RYR2: variants seen among roughly 807,000 people sequenced by gnomAD.
The protein encoded by RYR2 is ryanodine receptor 2.
In RYR2, 227 loss-of-function variants were observed where a neutral mutation model predicts 601.1. That is an observed-to-expected ratio of 0.38 (90% CI 0.34 to 0.42). The LOEUF (loss-of-function observed/expected upper bound fraction) is 0.42, where lower values mean the gene tolerates loss of function less well. RYR2 is among the 10% of genes least tolerant of loss of function. The probability of loss-of-function intolerance (pLI) is 1.00; values close to 1 mark genes in which losing one functional copy is unlikely to be tolerated. For synonymous variants in RYR2, 2,223 were observed against 2,175.1 expected (o/e 1.02, Z -0.61); for missense variants, 4,646 against 6,156.5 (o/e 0.75, Z 8.21).
At chr1:237,648,709 A>G in intron 49 of RYR2, 96 bp downstream of exon 49, 1 of 1,325,960 alleles carries the variant, frequency 7.5e-7, no homozygotes, top group Non-Finnish European at 1.0e-6. Flanking sequence ...TTTATTGACA[A>G]TGAATGTTTA....
intron 87 of RYR2, among the ~76,000 whole-genome samples, chr1:237,777,648 A>C (rs1694772694): frequency 6.6e-6 from 1 of 152,218 alleles, no homozygotes; most frequent in South Asian, 2.1e-4. Context: ...AATTGGCTCC[A>C]TGAAAACAGT....
chr1:237,668,597 CCT>C (rs1295133682), intron 58 of RYR2, among the ~76,000 whole-genome samples: 1 of 152,176 alleles, frequency 6.6e-6, no homozygotes. Flanking sequence ...TTTTCTTTCC[CCT>C]GATAGGAATA....
chr1:237,456,122 A>C (rs1045136380), intron 15 of RYR2, among the ~76,000 whole-genome samples: 1 of 152,174 alleles, frequency 6.6e-6, no homozygotes. Context: ...TCTACCAATA[A>C]TAATAAAAAT....
chr1:237,364,480 G>T, intron 5 of RYR2, 108 bp downstream of exon 5: 1 of 488,884 alleles, frequency 2.0e-6, no homozygotes, highest in South Asian at 4.7e-5. Context: ...TTATATATAT[G>T]ACAGATATAT....
At chr1:237,186,567 A>G (rs1679360317) in intron 1 of RYR2, among the ~76,000 whole-genome samples, 3 of 152,150 alleles carry the variant, frequency 2.0e-5, no homozygotes, top group Admixed American at 1.3e-4. Context: ...TGTTTTTTCA[A>G]CTTTGATTCC....
chr1:237,728,425 A>G lies in RYR2; in HGVS notation c.10838+1226A>G, dbSNP rs142519791. ...AAATACCATTTAACCCAGCAATCCC[A>G]TGACTGGGTATATACCCAAAGGATT... On this transcript the variant is annotated intron_variant, in intron 76 of 104. Transcript: ENST00000366574. 6.4e-3 allele frequency among the ~76,000 whole-genome samples: 979 copies of G among 152,200 alleles called. 14 individuals carry two copies. Among genetic ancestry groups the G allele is most frequent in the African/African-American group, 0.022 (931 of 41,534 alleles).
At chr1:237,337,817 A>ATG (rs1430711608) in intron 3 of RYR2, among the ~76,000 whole-genome samples, 4 of 152,200 alleles carry the variant, frequency 2.6e-5, no homozygotes, top group African/African-American at 7.2e-5. Context: ...AATTACCTGA[A>ATG]GCCCCTAGCT....
intron 16 of RYR2, among the ~76,000 whole-genome samples, chr1:237,459,342 T>C (rs1659205829): frequency 6.6e-6 from 1 of 152,064 alleles, no homozygotes; most frequent in Non-Finnish European, 1.5e-5. Flanking sequence ...CCCAGCTGCG[T>C]GGGGGGCTGA....
At chr1:237,584,890 G>A (rs1214113906) in intron 29 of RYR2, among the ~76,000 whole-genome samples, 2 of 139,952 alleles carry the variant, frequency 1.4e-5, no homozygotes, top group African/African-American at 5.1e-5. Context: ...TGTGCCCAGA[G>A]TCAACCTAAT....
chr1:237,213,548 GT>G (rs1425307555), intron 1 of RYR2, among the ~76,000 whole-genome samples: 1 of 152,062 alleles, frequency 6.6e-6, no homozygotes, highest in Non-Finnish European at 1.5e-5. Context: ...TCTTTTGTGA[GT>G]TTCCTACTTA....
chr1:237,155,596 A>T (rs927730466), intron 1 of RYR2, among the ~76,000 whole-genome samples: 1 of 152,232 alleles, frequency 6.6e-6, no homozygotes, highest in African/African-American at 2.4e-5. Flanking sequence ...ACAAGTTATT[A>T]AACTTTCACG....
intron 3 of RYR2, among the ~76,000 whole-genome samples, chr1:237,344,638 T>C (rs982879379): frequency 2.0e-5 from 3 of 152,192 alleles, no homozygotes; most frequent in African/African-American, 7.2e-5. Flanking sequence ...GAGTTCCTTA[T>C]CACTGGGTGT....
At chr1:237,227,083 G>A (rs1024085713) in intron 1 of RYR2, among the ~76,000 whole-genome samples, 1 of 152,076 alleles carries the variant, frequency 6.6e-6, no homozygotes, top group African/African-American at 2.4e-5. Context: ...CTGTCACATA[G>A]TGTATAATGA....
At chr1:237,114,339 T>A (rs1669826782) in intron 1 of RYR2, among the ~76,000 whole-genome samples, 1 of 152,238 alleles carries the variant, frequency 6.6e-6, no homozygotes, top group Admixed American at 6.5e-5. Flanking sequence ...ATTTTAGCCT[T>A]GCAAATAAAA....
chr1:237,439,789 ATAAAT>A (rs1363535068), intron 12 of RYR2, among the ~76,000 whole-genome samples: 1 of 151,880 alleles, frequency 6.6e-6, no homozygotes, highest in East Asian at 1.9e-4. Flanking sequence ...CCATGCACCC[ATAAAT>A]AGTCTAGACA....
chr1:237,344,069 G>A (rs1207307832), intron 3 of RYR2, among the ~76,000 whole-genome samples: 9 of 151,738 alleles, frequency 5.9e-5, no homozygotes, highest in Non-Finnish European at 1.2e-4. Flanking sequence ...GTAATCCGCC[G>A]GCCTTGGCCT....
chr1:237,637,107 G>A (rs1422356199), intron 44 of RYR2, among the ~76,000 whole-genome samples: 2 of 152,148 alleles, frequency 1.3e-5, no homozygotes, highest in African/African-American at 2.4e-5. Flanking sequence ...ATTATGGTGT[G>A]TTCTCACAGA....
rs1325112585 is a variant in RYR2 at position 237,709,511 on chromosome 1, G to A, written c.10174G>A (p.Ala3392Thr). The change falls in exon 70 of 105, where the codon GCA becomes ACA. Residue 3392 changes from alanine to threonine, a missense_variant. Physicochemically the swap from Ala to Thr is moderately conservative, Grantham distance 58 (BLOSUM62 0). Around this residue, in one of 17 missense-constraint regions of RYR2, gnomAD observed 1,497 missense variants for 1,842.6 expected, o/e 0.81. Coordinates refer to ENST00000366574, the MANE Select transcript of RYR2 (RefSeq NM_001035.3). ...GTGGCTAAAGGAGCCTAACCCAGAA[G>A]CAGAGGAGCTCTTCCGCATGGTGGC... ...AKWLKEPNPE[A>T]EELFRMVAEV... 9 of 1,612,136 alleles carry A rather than the reference G, an allele frequency of 5.6e-6. No individual in the cohort carries two copies. The Admixed American group carries it at 6.7e-5, about 12-fold the overall frequency.
intron 101 of RYR2, among the ~76,000 whole-genome samples, chr1:237,823,999 T>C (rs1402081641): frequency 6.6e-6 from 1 of 152,164 alleles, no homozygotes; most frequent in Non-Finnish European, 1.5e-5. Context: ...AATCCCTGAA[T>C]AGATCAATAA....
Sources: allele counts gnomAD v4.1 joint callset (sites outside exome capture counted in the v4.1 genomes callset), GRCh38; gene constraint gnomAD v4.1.1; regional missense constraint gnomAD v4.1.1; transcripts MANE v1.5; gene names NCBI Gene and HGNC (gene_info 2026-07-23, HGNC 2026-07-21).